NRXN3: variants seen among roughly 807,000 people sequenced by gnomAD.
The protein encoded by NRXN3 is neurexin III.
A neutral mutation model predicts 137.6 loss-of-function variants in NRXN3; 32 were observed. That is an observed-to-expected ratio of 0.23 (90% confidence interval 0.18 to 0.31). NRXN3 has a LOEUF of 0.31. NRXN3 is among the 10% of genes least tolerant of loss of function. The pLI, the probability that NRXN3 is intolerant of heterozygous loss-of-function variation, is 1.00. For missense variants in NRXN3, 1,574 were observed against 2,062.5 expected (o/e 0.76, Z 4.59); for synonymous variants, 798 against 784.5 (o/e 1.02, Z -0.29).
intron 6 of NRXN3, among the ~76,000 whole-genome samples, chr14:78,681,032 T>C (rs531906189): frequency 6.6e-6 from 1 of 152,288 alleles, no homozygotes; most frequent in South Asian, 2.1e-4. Context: ...ACAGCTTCAT[T>C]TGGTACCCAG....
intron 19 of NRXN3, among the ~76,000 whole-genome samples, chr14:79,737,915 A>G (rs2098947794): frequency 6.6e-6 from 1 of 152,124 alleles, no homozygotes; most frequent in South Asian, 2.1e-4. Context: ...ACTACTTCCA[A>G]AAGTGGCAGG....
At chr14:79,478,716 T>C (rs1418898368) in intron 16 of NRXN3, among the ~76,000 whole-genome samples, 2 of 152,020 alleles carry the variant, frequency 1.3e-5, no homozygotes, top group Non-Finnish European at 2.9e-5. Context: ...TATATCAATA[T>C]TGGTATACCT....
intron 16 of NRXN3, among the ~76,000 whole-genome samples, chr14:79,584,419 T>C (rs2097748282): frequency 6.6e-6 from 1 of 152,150 alleles, no homozygotes; most frequent in Non-Finnish European, 1.5e-5. Context: ...CATGAGTCCA[T>C]AGGCATGTGA....
intron 16 of NRXN3, among the ~76,000 whole-genome samples, chr14:79,569,758 G>T (rs1330484391): frequency 2.0e-5 from 3 of 151,826 alleles, no homozygotes; most frequent in Non-Finnish European, 4.4e-5. Flanking sequence ...ACAGGTGCCC[G>T]CCACCACACC....
At position 78,765,248 on chromosome 14, in the gene NRXN3, G is replaced by T. The variant is rs189787185; in HGVS notation, c.2045-38372G>T. 7.8e-4 allele frequency among the ~76,000 whole-genome samples: 118 copies of T among 152,172 alleles called. No homozygotes were observed. The Middle Eastern group carries it at 0.01, about 13-fold the overall frequency. ...GGCTCACTGCAACCTCCACCTCCTGGGTTCAAGAAATTCTCCTGTGTCAGC... is the reference window on the plus strand; with the variant it reads ...GGCTCACTGCAACCTCCACCTCCTGTGTTCAAGAAATTCTCCTGTGTCAGC... On this transcript the variant is annotated intron_variant, in intron 8 of 20. Coordinates refer to ENST00000335750, the MANE Select transcript of NRXN3 (RefSeq NM_001330195.2).
chr14:79,504,643 A>ATATATATATATG (rs1250286011), intron 16 of NRXN3, among the ~76,000 whole-genome samples: 1 of 103,434 alleles, frequency 9.7e-6, no homozygotes, highest in Non-Finnish European at 2.1e-5. Context: ...GAAGTTTTTT[A>ATATATATATATG]TATATATATA....
chr14:78,290,720 C>T lies in NRXN3; in HGVS notation c.728-7111C>T, dbSNP rs1229197802. ...AACATTCTTCTCAATCCCACGCTGT[C>T]TCCTGTGCCCTGCCTCCTGCCCATG... On this transcript the variant is annotated intron_variant, in intron 3 of 20. Transcript: ENST00000335750. Among the ~76,000 whole-genome samples the T allele has an allele frequency of 2.0e-5, 3 of 152,174 alleles. No homozygotes were observed. The East Asian group carries it at 5.8e-4, about 29-fold the overall frequency.
intron 15 of NRXN3, among the ~76,000 whole-genome samples, chr14:79,307,881 A>C (rs928312266): frequency 2.0e-5 from 3 of 151,676 alleles, no homozygotes; most frequent in Non-Finnish European, 4.4e-5. Flanking sequence ...TTGCCATATG[A>C]AAGTACCAGT....
chr14:78,592,033 A>G (rs375016893), intron 4 of NRXN3, among the ~76,000 whole-genome samples: 6 of 152,156 alleles, frequency 3.9e-5, no homozygotes, highest in African/African-American at 1.2e-4. Context: ...CACTACAACA[A>G]TAGTTGCCAG....
In NRXN3 at chr14:78,261,681, C is replaced by T. The variant is rs937641728; in HGVS notation, c.710-16964C>T. On this transcript the variant is annotated intron_variant, in intron 2 of 20. Transcript: ENST00000335750. ...CATTTTATTGCTTTACCCCTTCCCC[C>T]TCTTAAGCATCACAATCCAACCTCC... Among the ~76,000 whole-genome samples the T allele has an allele frequency of 2.6e-5, 4 of 152,306 alleles. No homozygotes were observed. The South Asian group carries it at 8.3e-4, about 32-fold the overall frequency.
chr14:79,407,610 A>G (rs933155958), intron 15 of NRXN3, among the ~76,000 whole-genome samples: 1 of 152,182 alleles, frequency 6.6e-6, no homozygotes, highest in Non-Finnish European at 1.5e-5. Context: ...GTGCTTTGAT[A>G]TCAAGTTTAA....
intron 15 of NRXN3, among the ~76,000 whole-genome samples, chr14:79,352,798 A>C (rs2093272425): frequency 6.6e-6 from 1 of 152,130 alleles, no homozygotes; most frequent in African/African-American, 2.4e-5. Context: ...CATTTTACAA[A>C]TGAAGTAACT....
intron 4 of NRXN3, among the ~76,000 whole-genome samples, chr14:78,617,939 G>A (rs2097362918): frequency 6.9e-6 from 1 of 144,588 alleles, no homozygotes. Context: ...AATTACTTTT[G>A]CACCAACTTT....
chr14:79,731,154 C>A (rs1176093265), intron 19 of NRXN3, among the ~76,000 whole-genome samples: 1 of 152,086 alleles, frequency 6.6e-6, no homozygotes, highest in Non-Finnish European at 1.5e-5. Flanking sequence ...CAGGGTAGAT[C>A]GAATGAACAC....
At chr14:79,723,986 A>G (rs920916437) in intron 19 of NRXN3, among the ~76,000 whole-genome samples, 3 of 152,152 alleles carry the variant, frequency 2.0e-5, no homozygotes, top group Non-Finnish European at 4.4e-5. Flanking sequence ...TTGGCTCCAC[A>G]TTAAAATGTC....
chr14:79,626,719 GC>G (rs1478318700), intron 16 of NRXN3, among the ~76,000 whole-genome samples: 1 of 152,088 alleles, frequency 6.6e-6, no homozygotes, highest in African/African-American at 2.4e-5. Flanking sequence ...TTGTGAACTA[GC>G]CACTTGCCTT....
chr14:78,556,685 C>A (rs996158024), intron 4 of NRXN3, among the ~76,000 whole-genome samples: 3 of 152,128 alleles, frequency 2.0e-5, no homozygotes, highest in Non-Finnish European at 4.4e-5. Context: ...GTATAAATAG[C>A]ATTTATGATG....
chr14:78,309,264 C>CA (rs1351874980), intron 4 of NRXN3, among the ~76,000 whole-genome samples: 2 of 150,910 alleles, frequency 1.3e-5, no homozygotes, highest in African/African-American at 2.4e-5. Flanking sequence ...TGTCATCTTC[C>CA]AAAAAAATTT....
chr14:78,956,407 G>A (rs2099396880), intron 10 of NRXN3, among the ~76,000 whole-genome samples: 1 of 151,962 alleles, frequency 6.6e-6, no homozygotes, highest in Non-Finnish European at 1.5e-5. Context: ...TACAATTCCT[G>A]TTACCCCTGA....
Sources: gnomAD v4.1 joint callset for allele counts (sites outside exome capture counted in the v4.1 genomes callset) on GRCh38, gnomAD v4.1.1 for gene constraint, MANE v1.5 for transcripts, NCBI Gene and HGNC (gene_info 2026-07-23, HGNC 2026-07-21) for gene names.